FARP1: variants seen among roughly 807,000 people sequenced by gnomAD.
FARP1 encodes the protein FERM, ARH/RhoGEF and pleckstrin domain protein 1.
A neutral mutation model predicts 128.8 loss-of-function variants in FARP1; 52 were observed. That is an observed-to-expected ratio of 0.40 (90% CI 0.32 to 0.51). The LOEUF is 0.51. FARP1 is among the 20% of genes least tolerant of loss of function. The pLI is 0.45. For missense variants in FARP1, 1,333 were observed against 1,367.9 expected (o/e 0.97, Z 0.40); for synonymous variants, 580 against 551.8 (o/e 1.05, Z -0.72).
intron 1 of FARP1, among the ~76,000 whole-genome samples, chr13:98,154,592 T>G (rs764772025): frequency 6.6e-6 from 1 of 152,204 alleles, no homozygotes; most frequent in Non-Finnish European, 1.5e-5. Context: ...AAATAAGATG[T>G]CAGTCCTGTA....
At chr13:98,205,467 A>G (rs1404504207) in intron 1 of FARP1, among the ~76,000 whole-genome samples, 1 of 151,166 alleles carries the variant, frequency 6.6e-6, no homozygotes, top group Non-Finnish European at 1.5e-5. Flanking sequence ...ATCTCGGCTC[A>G]CTGCAAGCTC....
intron 1 of FARP1, among the ~76,000 whole-genome samples, chr13:98,178,289 G>A (rs139267423): frequency 1.1e-3 from 169 of 148,768 alleles, no homozygotes; most frequent in African/African-American, 3.8e-3. Flanking sequence ...TCTGCCTCCC[G>A]GGTTCAAGCA....
chr13:98,329,736 A>G (rs955999365), intron 2 of FARP1: 5 of 152,142 alleles, frequency 3.3e-5, no homozygotes, highest in African/African-American at 1.2e-4. Context: ...TAAAGACTGT[A>G]TTATTATGGT....
chr13:98,290,771 C>A lies in FARP1; in HGVS notation c.172-52991C>A, dbSNP rs570897969. Among the ~76,000 whole-genome samples the A allele has an allele frequency of 1.3e-3, 198 of 152,088 alleles. 1 individual carries two copies. The highest frequency in any genetic ancestry group is 4.6e-3 in the African/African-American group (190 of 41,476). On this transcript the variant is annotated intron_variant, in intron 2 of 26. Transcript: ENST00000319562. ...TTTGACAGTAGAGCTGACAAGATCT[C>A]CTAAAGAATTGGGTATTGAATGTGT... is the stretch of plus-strand genomic sequence containing the variant.
chr13:98,361,284 T>G (rs1443996333), intron 3 of FARP1, among the ~76,000 whole-genome samples: 1 of 152,208 alleles, frequency 6.6e-6, no homozygotes, highest in Non-Finnish European at 1.5e-5. Context: ...GTGTTCCCGC[T>G]GCGGAGCTGC....
intron 24 of FARP1, chr13:98,445,308 G>C (rs539727498): frequency 4.5e-4 from 69 of 152,414 alleles, no homozygotes; most frequent in Admixed American, 9.8e-4. Context: ...ACTGCTTTGA[G>C]TCTCTGCTGG....
chr13:98,151,932 G>A (rs1353574104), intron 1 of FARP1, among the ~76,000 whole-genome samples: 1 of 151,994 alleles, frequency 6.6e-6, no homozygotes, highest in Non-Finnish European at 1.5e-5. Flanking sequence ...AAAGTGCTGG[G>A]ATTACAGGTG....
upstream of FARP1, chr13:98,143,017 C>T (rs991098678): frequency 6.7e-6 from 1 of 148,334 alleles, no homozygotes; most frequent in Non-Finnish European, 1.5e-5. Context: ...TCCCGCGTCC[C>T]CGCTGCTCGG....
intron 16 of FARP1, among the ~76,000 whole-genome samples, chr13:98,419,239 C>T (rs1416501554): frequency 1.3e-5 from 2 of 152,068 alleles, no homozygotes; most frequent in East Asian, 1.9e-4. Context: ...TTTGGGAGGC[C>T]GAGGTGGGTG....
chr13:98,372,408 G>A (rs1196281747), intron 5 of FARP1, among the ~76,000 whole-genome samples: 2 of 151,944 alleles, frequency 1.3e-5, no homozygotes, highest in African/African-American at 4.8e-5. Flanking sequence ...TTTTCTTATC[G>A]TGTGGCTTGG....
chr13:98,302,770 T>G (rs1371702748), intron 2 of FARP1, among the ~76,000 whole-genome samples: 1 of 152,152 alleles, frequency 6.6e-6, no homozygotes, highest in Non-Finnish European at 1.5e-5. Context: ...TATTGATCCC[T>G]TGGGACCAGA....
At chr13:98,423,497 A>G (rs1410833180) in intron 16 of FARP1, among the ~76,000 whole-genome samples, 1 of 152,160 alleles carries the variant, frequency 6.6e-6, no homozygotes, top group East Asian at 1.9e-4. Flanking sequence ...GTTTAAAGAT[A>G]ATTGCCAGGT....
At chr13:98,183,546 A>T (rs1878667149) in intron 1 of FARP1, among the ~76,000 whole-genome samples, 1 of 152,134 alleles carries the variant, frequency 6.6e-6, no homozygotes, top group Admixed American at 6.5e-5. Context: ...TGCTCCCGTC[A>T]TTGTCTTGAA....
chr13:98,381,962 A>G (rs775942575), intron 6 of FARP1, among the ~76,000 whole-genome samples: 3 of 152,032 alleles, frequency 2.0e-5, no homozygotes, highest in Non-Finnish European at 4.4e-5. Context: ...AGACCAGCCT[A>G]GGCAACATAG....
intron 5 of FARP1, among the ~76,000 whole-genome samples, chr13:98,374,932 A>G (rs1444594733): frequency 6.6e-6 from 1 of 152,182 alleles, no homozygotes; most frequent in Non-Finnish European, 1.5e-5. Flanking sequence ...TCTCACAGGA[A>G]GTAACAGAGT....
intron 13 of FARP1, chr13:98,403,523 C>CGT (rs1220724570): frequency 6.6e-6 from 1 of 152,080 alleles, no homozygotes; most frequent in Non-Finnish European, 1.5e-5. Context: ...TATGTAGATA[C>CGT]GTGTGTGTGT....
intron 1 of FARP1, among the ~76,000 whole-genome samples, chr13:98,157,053 G>A (rs1355430048): frequency 6.6e-6 from 1 of 152,218 alleles, no homozygotes; most frequent in Non-Finnish European, 1.5e-5. Flanking sequence ...TGTCTGCAGA[G>A]TGGACGTGAA....
intron 2 of FARP1, among the ~76,000 whole-genome samples, chr13:98,336,206 T>C (rs1198704706): frequency 6.6e-6 from 1 of 152,190 alleles, no homozygotes; most frequent in Non-Finnish European, 1.5e-5. Flanking sequence ...GTTATAGAAA[T>C]AACCTGAAGA....
rs531261112 is a variant in FARP1 at position 98,414,719 on chromosome 13, A to C, written c.1826+2685A>C. ...TGCCCTAAAATGCCTCATTAAAAAG[A>C]GCCCAGAGCCTAGAAAAGGATGGCT... is the stretch of plus-strand genomic sequence containing the variant. On this transcript the variant is annotated intron_variant, in intron 16 of 26. Transcript: ENST00000319562. Among the ~76,000 whole-genome samples the C allele has an allele frequency of 3.1e-4, 47 of 152,342 alleles. 1 individual carries two copies. In the East Asian group the frequency reaches 7.7e-3, roughly 25 times the overall value.
Sources: allele counts gnomAD v4.1 joint callset (sites outside exome capture counted in the v4.1 genomes callset), GRCh38; gene constraint gnomAD v4.1.1; transcripts MANE v1.5; gene names NCBI Gene and HGNC (gene_info 2026-07-23, HGNC 2026-07-21).